Variants in CRYBB3 observed in about 807,000 individuals in gnomAD.
CRYBB3 encodes the protein beta-crystallin B3.
CRYBB3 carries 35 observed loss-of-function variants against 28.3 expected under a neutral mutation model. The observed-to-expected ratio is 1.24, with a 90% CI of 0.95 to 1.64. The LOEUF is 1.64. CRYBB3 is among the 40% of genes most tolerant of loss of function. The pLI is 0.00. For missense variants in CRYBB3, 296 were observed against 297.4 expected, an observed-to-expected ratio of 1.00 and a Z score of 0.04; for synonymous variants, 106 against 110.4, an observed-to-expected ratio of 0.96 and a Z score of 0.25.
At chr22:25,200,806 A>AGGTC (rs1418553699) in intron 1 of CRYBB3, among the ~76,000 whole-genome samples, 1 of 152,160 alleles carries the variant, frequency 6.6e-6, no homozygotes, top group Non-Finnish European at 1.5e-5. Flanking sequence ...TTTTCTCTAG[A>AGGTC]GGTCTGTCTG....
Position 25,207,356 on chromosome 22 carries a change from G to A in CRYBB3, c.*144G>A, listed in dbSNP as rs952500596. On this transcript the variant is annotated 3_prime_UTR_variant, in exon 6 of 6. Coordinates refer to ENST00000215855, the MANE Select transcript of CRYBB3 (RefSeq NM_004076.5). The stretch of plus-strand genomic sequence containing the variant: ...AAAGCCTGGGGTTGGTCCCCCACCC[G>A]CCACGTTCCTCGGCATCACTTCCTG... 1.5e-5 allele frequency: 11 copies of A among 713,848 alleles called. No individual in the cohort carries two copies. The highest frequency in any genetic ancestry group is 2.8e-5 in the Admixed American group (1 of 35,638). 44.2% of individuals were successfully genotyped at this position (713,848 alleles called of 1,614,324 possible). A position where few individuals can be genotyped will look rare whatever the true frequency, so the allele number is the denominator to read the frequency against.
intron 2 of CRYBB3, 85 bp from the exon 3 acceptor site, chr22:25,202,589 A>G: frequency 1.2e-6 from 2 of 1,603,218 alleles, no homozygotes; most frequent in Non-Finnish European, 1.7e-6. Context: ...AGCAGAGGGT[A>G]CCTCCCTCTA....
At chr22:25,205,853 G>A (rs919932922) in intron 5 of CRYBB3, among the ~76,000 whole-genome samples, 1 of 152,104 alleles carries the variant, frequency 6.6e-6, no homozygotes, top group African/African-American at 2.4e-5. Context: ...AGTAAAATCT[G>A]TTCTCTCCAC....
chr22:25,200,768 G>A (rs1312590078), intron 1 of CRYBB3, among the ~76,000 whole-genome samples: 1 of 152,160 alleles, frequency 6.6e-6, no homozygotes, highest in Non-Finnish European at 1.5e-5. Flanking sequence ...ACCTGGAGCA[G>A]GTGTCCAACG....
rs1218584541 is a variant in CRYBB3 at position 25,205,291 on chromosome 22, T to C, written c.399T>C (p.Asp133=). The C allele has an allele frequency of 1.9e-6, 3 of 1,614,062 alleles. No individual in the cohort carries two copies. In the East Asian group the frequency reaches 6.7e-5, roughly 36 times the overall value. The stretch of plus-strand genomic sequence containing the variant: ...GTGGCCGCAAGATGGAGATAGTGGA[T>C]GATGACGTGCCCAGCCTGTGGGCTC... ...AFSGRKMEIV[D]DDVPSLWAHG... is the part of the protein sequence containing the mutation. The change falls in exon 5 of 6, where the codon GAT becomes GAC. Residue 133 remains aspartate (D), a synonymous_variant. Transcript: ENST00000215855.
intron 4 of CRYBB3, 85 bp downstream of exon 4, chr22:25,203,980 G>A: frequency 6.3e-7 from 1 of 1,575,270 alleles, no homozygotes. Context: ...GCACAAGCTG[G>A]GCTGAGGGTT....
chr22:25,201,527 T>C (rs1934949254), intron 2 of CRYBB3, 56 bp downstream of exon 2: 2 of 1,598,904 alleles, frequency 1.3e-6, no homozygotes, highest in Non-Finnish European at 1.7e-6. Context: ...CTCAGGGTCA[T>C]CTTCCCAGCC....
intron 5 of CRYBB3, among the ~76,000 whole-genome samples, chr22:25,205,960 T>C (rs755064509): frequency 3.7e-4 from 57 of 152,264 alleles, no homozygotes; most frequent in Admixed American, 1.0e-3. Context: ...TTGTTCTTCT[T>C]AACAAGGGGC....
chr22:25,204,991 TA>T (rs1399362510), intron 4 of CRYBB3, among the ~76,000 whole-genome samples: 1 of 152,242 alleles, frequency 6.6e-6, no homozygotes, highest in Non-Finnish European at 1.5e-5. Flanking sequence ...TTCAGTTTTA[TA>T]ATCTACGGCT....
At chr22:25,201,124 T>C (rs1356977259) in intron 1 of CRYBB3, among the ~76,000 whole-genome samples, 1 of 152,066 alleles carries the variant, frequency 6.6e-6, no homozygotes, top group Non-Finnish European at 1.5e-5. Context: ...CACTGTGTGC[T>C]TGAGGAAGTG....
chr22:25,201,832 G>A (rs1934953801), intron 2 of CRYBB3, among the ~76,000 whole-genome samples: 1 of 152,062 alleles, frequency 6.6e-6, no homozygotes. Flanking sequence ...AGGCTCTCTG[G>A]GCCTCAACAG....
intron 4 of CRYBB3, among the ~76,000 whole-genome samples, chr22:25,204,202 A>G (rs1310953829): frequency 6.6e-6 from 1 of 152,232 alleles, no homozygotes. Flanking sequence ...CAGTATTGTT[A>G]TCAAAGAAAT....
At chr22:25,201,353 G>T in intron 1 of CRYBB3, 24 bp from the exon 2 acceptor site, 1 of 1,610,878 alleles carries the variant, frequency 6.2e-7, no homozygotes, top group South Asian at 1.1e-5. Context: ...TGGATCCAGT[G>T]AACCATTTTC....
chr22:25,202,942 G>A, intron 3 of CRYBB3, 150 bp downstream of exon 3: 1 of 1,486,020 alleles, frequency 6.7e-7, no homozygotes, highest in South Asian at 1.2e-5. Flanking sequence ...AATGAGAGTT[G>A]AAGAATTCTC....
At chr22:25,203,927 TC>T (rs1222220858) in intron 4 of CRYBB3, 32 bp downstream of exon 4, 1 of 1,613,924 alleles carries the variant, frequency 6.2e-7, no homozygotes, top group Non-Finnish European at 8.5e-7. Flanking sequence ...TTCTGGGTGT[TC>T]CTGGAAGCAG....
At chr22:25,200,182 C>T (rs1569006658) in intron 1 of CRYBB3, among the ~76,000 whole-genome samples, 1 of 152,042 alleles carries the variant, frequency 6.6e-6, no homozygotes, top group African/African-American at 2.4e-5. Context: ...GGAGTGGGCA[C>T]ACATGGTACC....
chr22:25,205,887 GCT>G (rs1935026183), intron 5 of CRYBB3, among the ~76,000 whole-genome samples: 1 of 152,078 alleles, frequency 6.6e-6, no homozygotes, highest in African/African-American at 2.4e-5. Context: ...AGTCCTTCCT[GCT>G]TTTTTAAACA....
Position 25,203,158 on chromosome 22 carries a change from A to G in CRYBB3, c.194+366A>G, listed in dbSNP as rs1349614946. On this transcript the variant is annotated intron_variant, in intron 3 of 5. Coordinates refer to ENST00000215855, the MANE Select transcript of CRYBB3 (RefSeq NM_004076.5). ...GAGGTATCATTCTTATTCCCACTTT[A>G]TAGATGGGGAAACTGAGGCCAAAGT... Among the ~76,000 whole-genome samples the G allele has an allele frequency of 2.6e-5, 4 of 152,200 alleles. No homozygotes were observed. The East Asian group carries it at 7.7e-4, about 29-fold the overall frequency.
chr22:25,207,278 C>T lies in CRYBB3; in HGVS notation c.*66C>T. The T allele has an allele frequency of 5.4e-6, 8 of 1,484,988 alleles. 1 individual carries two copies. The highest frequency in any genetic ancestry group is 1.2e-5 in the South Asian group (1 of 82,758). The allele number at this position is 1,484,988 out of a possible 1,614,324, so 92.0% of individuals were successfully genotyped here. A position where few individuals can be genotyped will look rare whatever the true frequency, so the allele number is the denominator to read the frequency against. ...GCTGCAAGGGCAAGAAGAGGAGGCT[C>T]CAGGGTTGGGGCGAGGGCCGACCTG... On this transcript the variant is annotated 3_prime_UTR_variant, in exon 6 of 6. Transcript: ENST00000215855.
Sources: allele counts gnomAD v4.1 joint callset (sites outside exome capture counted in the v4.1 genomes callset), GRCh38; gene constraint gnomAD v4.1.1; transcripts MANE v1.5; gene names NCBI Gene and HGNC (gene_info 2026-07-23, HGNC 2026-07-21).